The following ZNF609 variants were observed in gnomAD, a reference collection of about 807,000 sequenced individuals.
ZNF609 encodes the protein zinc finger protein 609.
Under a neutral mutation model 109.5 loss-of-function variants are expected in ZNF609, and 11 were observed. The observed-to-expected ratio is 0.10, with a 90% confidence interval of 0.06 to 0.17. The LOEUF (loss-of-function observed/expected upper bound fraction) is 0.17, where lower values mean the gene tolerates loss of function less well. Among genes scored for constraint, ZNF609 ranks in the 10% least tolerant of loss-of-function variants. The probability of loss-of-function intolerance (pLI) is 1.00; values close to 1 mark genes in which losing one functional copy is unlikely to be tolerated. For synonymous variants in ZNF609, 646 were observed against 662.0 expected, an observed-to-expected ratio of 0.98 and a Z score of 0.37; for missense variants, 1,559 against 1,772.4, an observed-to-expected ratio of 0.88 and a Z score of 2.16.
At position 64,563,906 on chromosome 15, in the gene ZNF609, C is replaced by T. The variant is rs556220098; in HGVS notation, c.748-58921C>T. Among the ~76,000 whole-genome samples, 12 of 152,210 alleles carry T rather than the reference C, an allele frequency of 7.9e-5. No individual in the cohort carries two copies. In the South Asian group the frequency reaches 1.2e-3, roughly 16 times the overall value. On this transcript the variant is annotated intron_variant, in intron 2 of 9. Transcript: ENST00000326648. The stretch of plus-strand genomic sequence containing the variant: ...CGGCCTATTTATTTATTTTTTGAGA[C>T]GGAGTCTCGCTCTGTCACCCAGGCT...
chr15:64,595,241 A>G (rs540148201), intron 2 of ZNF609, among the ~76,000 whole-genome samples: 1 of 150,990 alleles, frequency 6.6e-6, no homozygotes, highest in East Asian at 2.0e-4. Flanking sequence ...GGCATCTGAA[A>G]TGCCAGCTAC....
intron 1 of ZNF609, among the ~76,000 whole-genome samples, chr15:64,493,772 C>T (rs571410712): frequency 6.6e-6 from 1 of 152,174 alleles, no homozygotes; most frequent in Non-Finnish European, 1.5e-5. Context: ...CTCCTGATTC[C>T]GCACTTTCTC....
intron 2 of ZNF609, among the ~76,000 whole-genome samples, chr15:64,612,445 G>A (rs548375225): frequency 2.0e-5 from 3 of 151,836 alleles, no homozygotes; most frequent in African/African-American, 2.4e-5. Context: ...CACTGTGCCC[G>A]GCCTATATAT....
intron 2 of ZNF609, among the ~76,000 whole-genome samples, chr15:64,577,042 A>T (rs1178940400): frequency 8.3e-6 from 1 of 119,976 alleles, no homozygotes; most frequent in Non-Finnish European, 1.7e-5. Context: ...ATGTATATAT[A>T]CACATAAATA....
chr15:64,505,508 T>C (rs1273807992), intron 2 of ZNF609, among the ~76,000 whole-genome samples: 6 of 152,230 alleles, frequency 3.9e-5, no homozygotes, highest in African/African-American at 1.4e-4. Context: ...GGTTTTCTAC[T>C]TGGTATTGGG....
chr15:64,633,979 A>G (rs746723083), intron 3 of ZNF609, among the ~76,000 whole-genome samples: 14 of 152,148 alleles, frequency 9.2e-5, no homozygotes, highest in Non-Finnish European at 8.8e-5. Context: ...ATTTTATTTA[A>G]TTTAAATTTA....
intron 1 of ZNF609, among the ~76,000 whole-genome samples, chr15:64,496,625 G>A (rs568158533): frequency 2.0e-5 from 3 of 152,268 alleles, no homozygotes; most frequent in Non-Finnish European, 2.9e-5. Context: ...ACTTGCTGCT[G>A]TATTTTCAGC....
intron 3 of ZNF609, among the ~76,000 whole-genome samples, chr15:64,626,856 G>A (rs1401152451): frequency 6.6e-6 from 1 of 152,178 alleles, no homozygotes; most frequent in Non-Finnish European, 1.5e-5. Flanking sequence ...AGACCCAAGT[G>A]TAACCTAGAA....
chr15:64,541,447 A>G (rs1894260993), intron 2 of ZNF609, among the ~76,000 whole-genome samples: 1 of 149,744 alleles, frequency 6.7e-6, no homozygotes, highest in South Asian at 2.1e-4. Flanking sequence ...AAAAAAAAAG[A>G]ATTGCATTTT....
chr15:64,513,653 A>C (rs1297051589), intron 2 of ZNF609, among the ~76,000 whole-genome samples: 1 of 152,222 alleles, frequency 6.6e-6, no homozygotes, highest in African/African-American at 2.4e-5. Context: ...TTATTTCTTC[A>C]GCTGAGGTCC....
intron 3 of ZNF609, among the ~76,000 whole-genome samples, chr15:64,668,751 T>G (rs984836228): frequency 6.6e-6 from 1 of 151,810 alleles, no homozygotes; most frequent in African/African-American, 2.4e-5. Context: ...GTCGGGAGAT[T>G]GAGACCAGCC....
intron 2 of ZNF609, among the ~76,000 whole-genome samples, chr15:64,551,985 CAAA>C (rs35698512): frequency 4.3e-5 from 4 of 93,466 alleles, no homozygotes; most frequent in African/African-American, 9.2e-5. Context: ...GACTCTGTCT[CAAA>C]AAAAAAAAAA....
At chr15:64,574,263 T>C (rs1245909844) in intron 2 of ZNF609, among the ~76,000 whole-genome samples, 1 of 151,438 alleles carries the variant, frequency 6.6e-6, no homozygotes, top group East Asian at 1.9e-4. Flanking sequence ...TTTTTTGTTT[T>C]ATTGCCTTTT....
chr15:64,610,013 A>G (rs758724986), intron 2 of ZNF609, among the ~76,000 whole-genome samples: 32 of 151,796 alleles, frequency 2.1e-4, no homozygotes, highest in Non-Finnish European at 4.3e-4. Context: ...TGCTATCTCA[A>G]AAAATAATAA....
At chr15:64,527,556 A>G (rs1339365264) in intron 2 of ZNF609, among the ~76,000 whole-genome samples, 1 of 152,158 alleles carries the variant, frequency 6.6e-6, no homozygotes, top group Non-Finnish European at 1.5e-5. Context: ...AAATTTGACC[A>G]TGATTTCCAG....
intron 1 of ZNF609, among the ~76,000 whole-genome samples, chr15:64,466,888 A>G (rs1893022670): frequency 6.6e-6 from 1 of 151,972 alleles, no homozygotes; most frequent in Non-Finnish European, 1.5e-5. Flanking sequence ...TAGCTATTAT[A>G]GTCACAACCC....
At chr15:64,542,365 C>G (rs1194439606) in intron 2 of ZNF609, among the ~76,000 whole-genome samples, 2 of 152,156 alleles carry the variant, frequency 1.3e-5, no homozygotes, top group African/African-American at 2.4e-5. Flanking sequence ...GGGAGAAAGG[C>G]AGAAATGGTC....
chr15:64,637,459 C>T (rs1343036434), intron 3 of ZNF609, among the ~76,000 whole-genome samples: 1 of 152,180 alleles, frequency 6.6e-6, no homozygotes, highest in East Asian at 1.9e-4. Context: ...GAATAGACAT[C>T]ACAAGTTTCC....
At chr15:64,516,756 T>A (rs1024476773) in intron 2 of ZNF609, among the ~76,000 whole-genome samples, 6 of 152,272 alleles carry the variant, frequency 3.9e-5, no homozygotes, top group Middle Eastern at 3.4e-3. Flanking sequence ...ATATATATAT[T>A]TTTAATCTTG....
Sources: allele counts gnomAD v4.1 joint callset (sites outside exome capture counted in the v4.1 genomes callset), GRCh38; gene constraint gnomAD v4.1.1; transcripts MANE v1.5; gene names NCBI Gene and HGNC (gene_info 2026-07-23, HGNC 2026-07-21).